The following EPB41L1 variants were observed in gnomAD, a reference collection of about 807,000 sequenced individuals.
The protein encoded by EPB41L1 is band 4.1-like protein 1.
Under a neutral mutation model 97.8 loss-of-function variants are expected in EPB41L1, and 29 were observed. The ratio of observed to expected loss-of-function variants is 0.30; its 90% CI spans 0.22 to 0.40. The LOEUF (loss-of-function observed/expected upper bound fraction) is 0.40, where lower values mean the gene tolerates loss of function less well. EPB41L1 is among the 10% of genes least tolerant of loss of function. EPB41L1 has a pLI of 1.00. For synonymous variants in EPB41L1, 383 were observed against 459.2 expected, an observed-to-expected ratio of 0.83 and a Z score of 2.12; for missense variants, 812 against 1,162.3, an observed-to-expected ratio of 0.70 and a Z score of 4.38.
intron 21 of EPB41L1, 41 bp downstream of exon 21, chr20:36,222,435 G>A: frequency 1.4e-6 from 2 of 1,463,048 alleles, no homozygotes; most frequent in Non-Finnish European, 1.9e-6. Flanking sequence ...AGAGAGGAGG[G>A]AGCAGTAGCA....
Position 36,206,803 on chromosome 20 carries a change from G to A in EPB41L1, c.1669-2685G>A. 1 of 1,289,900 alleles carries A rather than the reference G, an allele frequency of 7.8e-7. No homozygotes were observed. The highest frequency in any genetic ancestry group is 1.5e-5 in the African/African-American group (1 of 66,006). 79.9% of individuals were successfully genotyped at this position (1,289,900 alleles called of 1,614,324 possible). A position where few individuals can be genotyped will look rare whatever the true frequency, so the allele number is the denominator to read the frequency against. On this transcript the variant is annotated intron_variant, in intron 14 of 21. Coordinates refer to ENST00000338074, the MANE Select transcript of EPB41L1 (RefSeq NM_012156.2). The surrounding 1 kb of genome is among the most constrained non-coding windows in gnomAD (Gnocchi z 5.5). ...CCACCTGACAGCCAGCGCAGCCCGA[G>A]AGGAAGGGACCCCCGTGAGTGGAGA...
At chr20:36,143,149 G>A (rs1007091127) in intron 2 of EPB41L1, among the ~76,000 whole-genome samples, 6 of 136,652 alleles carry the variant, frequency 4.4e-5, no homozygotes, top group African/African-American at 6.8e-5. Context: ...GTGTGTGTGT[G>A]TGTGTGTGTG....
intron 2 of EPB41L1, among the ~76,000 whole-genome samples, chr20:36,131,375 G>A (rs777677814): frequency 2.6e-5 from 4 of 152,146 alleles, no homozygotes; most frequent in Non-Finnish European, 4.4e-5. Flanking sequence ...CTCCCAAAGT[G>A]CTGAGATTAC....
intron 2 of EPB41L1, among the ~76,000 whole-genome samples, chr20:36,143,739 T>C (rs2059732057): frequency 6.6e-6 from 1 of 152,222 alleles, no homozygotes; most frequent in African/African-American, 2.4e-5. Flanking sequence ...TGTGTGTATG[T>C]GTGTGCAGGT....
At chr20:36,196,960 C>T (rs1478717475) in intron 13 of EPB41L1, among the ~76,000 whole-genome samples, 1 of 152,230 alleles carries the variant, frequency 6.6e-6, no homozygotes, top group East Asian at 1.9e-4. Flanking sequence ...AATCCTACAA[C>T]TCTGGCTATA....
At chr20:36,182,790 C>G (rs548018007) in intron 6 of EPB41L1, among the ~76,000 whole-genome samples, 1 of 152,264 alleles carries the variant, frequency 6.6e-6, no homozygotes, top group East Asian at 1.9e-4. Context: ...TGGGACATAC[C>G]AAACCCATGT....
chr20:36,222,723 T>C (rs780519540), intron 21 of EPB41L1, among the ~76,000 whole-genome samples: 1 of 152,092 alleles, frequency 6.6e-6, no homozygotes, highest in Non-Finnish European at 1.5e-5. Context: ...GTGGGACAGA[T>C]GGAGGTCCTC....
chr20:36,212,739 G>A lies in EPB41L1; in HGVS notation c.2184+363G>A, dbSNP rs1000381985. Among the ~76,000 whole-genome samples, 5 of 152,232 alleles carry A rather than the reference G, an allele frequency of 3.3e-5. No individual in the cohort carries two copies. The highest frequency in any genetic ancestry group is 1.2e-4 in the African/African-American group (5 of 41,462). ...GGAGGAGTTGGAGAGGTTTCTTGAG[G>A]TATCTCAGGGGCTGCTTGAGGAGAG... On this transcript the variant is annotated intron_variant, in intron 16 of 21. Coordinates refer to ENST00000338074, the MANE Select transcript of EPB41L1 (RefSeq NM_012156.2). The surrounding 1 kb of genome is among the most constrained non-coding windows in gnomAD (Gnocchi z 4.8).
intron 2 of EPB41L1, among the ~76,000 whole-genome samples, chr20:36,115,120 C>T (rs1290048452): frequency 2.0e-5 from 3 of 152,244 alleles, no homozygotes; most frequent in Non-Finnish European, 4.4e-5. Context: ...TTTCATTTAA[C>T]TGTCATGACA....
chr20:36,158,755 G>A lies in EPB41L1; in HGVS notation c.-15+3859G>A, dbSNP rs75702128. On this transcript the variant is annotated intron_variant, in intron 1 of 21. Coordinates refer to ENST00000338074, the MANE Select transcript of EPB41L1 (RefSeq NM_012156.2). ...GCAGATAAACATGCCTGTCTCACAG[G>A]GACCATGTTGTGGTTGTTATATAAA... Among the ~76,000 whole-genome samples, 597 of 152,264 alleles carry A rather than the reference G, an allele frequency of 3.9e-3. 30 individuals carry two copies. The East Asian group carries it at 0.095, about 24-fold the overall frequency.
intron 2 of EPB41L1, among the ~76,000 whole-genome samples, chr20:36,115,616 G>A: frequency 6.6e-6 from 1 of 152,194 alleles, no homozygotes; most frequent in Non-Finnish European, 1.5e-5. Context: ...AACAGTCCAG[G>A]TGCTGTGGCT....
intron 5 of EPB41L1, among the ~76,000 whole-genome samples, chr20:36,179,388 G>A (rs896157424): frequency 1.3e-5 from 2 of 152,248 alleles, no homozygotes; most frequent in African/African-American, 4.8e-5. Context: ...GGCCCAGAGA[G>A]AGGCAGTTAT....
chr20:36,161,315 A>G (rs763864701), intron 1 of EPB41L1, among the ~76,000 whole-genome samples: 1 of 152,064 alleles, frequency 6.6e-6, no homozygotes, highest in Non-Finnish European at 1.5e-5. Flanking sequence ...TCTGTACCTC[A>G]GTTTGTCCAT....
intron 2 of EPB41L1, among the ~76,000 whole-genome samples, chr20:36,132,944 G>T (rs546445731): frequency 6.6e-6 from 1 of 152,288 alleles, no homozygotes; most frequent in East Asian, 1.9e-4. Flanking sequence ...ACACGTGCTT[G>T]TGGGTGTGTG....
At chr20:36,098,074 A>C (rs535837141) in intron 1 of EPB41L1, among the ~76,000 whole-genome samples, 28 of 152,284 alleles carry the variant, frequency 1.8e-4, no homozygotes, top group African/African-American at 4.8e-4. Context: ...GCTCAATGGG[A>C]GGCCCCACTG....
chr20:36,119,958 A>G (rs942497904), intron 2 of EPB41L1, among the ~76,000 whole-genome samples: 1 of 152,070 alleles, frequency 6.6e-6, no homozygotes, highest in Non-Finnish European at 1.5e-5. Flanking sequence ...ATAGAGGTGA[A>G]CTTGAGCCCA....
At chr20:36,173,620 G>C (rs2061090143) in intron 1 of EPB41L1, 144 bp from the exon 2 acceptor site, 5 of 755,964 alleles carry the variant, frequency 6.6e-6, no homozygotes, top group Admixed American at 4.1e-5. Flanking sequence ...CACTTCCTCT[G>C]TCTCTCCCTT....
At position 36,121,987 on chromosome 20, in the gene EPB41L1, G is replaced by A. The variant is rs542958410; in HGVS notation, c.-10+9507G>A. Among the ~76,000 whole-genome samples the A allele has an allele frequency of 2.2e-4, 33 of 152,284 alleles. 1 individual carries two copies. Among genetic ancestry groups the A allele is most frequent in the African/African-American group, 7.9e-4 (33 of 41,564 alleles). On this transcript the variant is annotated intron_variant, in intron 2 of 19. Transcript: ENST00000202028. The stretch of plus-strand genomic sequence containing the variant: ...GAAGGGCAGCTTTCCCCAAGACTTT[G>A]CCAGGTGTCACCAAACTATGCTGGA...
At chr20:36,188,870 C>G (rs564876050) in intron 9 of EPB41L1, among the ~76,000 whole-genome samples, 8 of 143,054 alleles carry the variant, frequency 5.6e-5, no homozygotes, top group Admixed American at 5.0e-4. Context: ...CAGAGCAAGA[C>G]TCTGTCTCAA....
Sources: allele counts gnomAD v4.1 joint callset (sites outside exome capture counted in the v4.1 genomes callset), GRCh38; gene constraint gnomAD v4.1.1; non-coding constraint Gnocchi (gnomAD v3.1); transcripts MANE v1.5; gene names NCBI Gene and HGNC (gene_info 2026-07-23, HGNC 2026-07-21).